DENND1C: variants seen among roughly 807,000 people sequenced by gnomAD.
DENND1C encodes DENN domain-containing protein 1C.
DENND1C carries 64 observed loss-of-function variants against 87.9 expected under a neutral mutation model. The observed-to-expected ratio is 0.73, with a 90% confidence interval of 0.60 to 0.90. DENND1C has a LOEUF of 0.90. DENND1C is among the 40% of genes least tolerant of loss of function. The pLI, the probability that DENND1C is intolerant of heterozygous loss-of-function variation, is 0.00. For synonymous variants in DENND1C, 384 were observed against 424.4 expected, an observed-to-expected ratio of 0.90 and a Z score of 1.17; for missense variants, 980 against 1,037.0, an observed-to-expected ratio of 0.95 and a Z score of 0.76.
chr19:6,478,549 C>G (rs1471038649), intron 6 of DENND1C, among the ~76,000 whole-genome samples: 2 of 152,050 alleles, frequency 1.3e-5, no homozygotes, highest in Non-Finnish European at 2.9e-5. Context: ...AGCCACAGCA[C>G]TTGGCCAATT....
chr19:6,477,358 A>G lies in DENND1C; in HGVS notation c.447+20T>C, dbSNP rs1331744098. On this transcript the variant is annotated intron_variant, in intron 7 of 22. Coordinates refer to ENST00000381480, the MANE Select transcript of DENND1C (RefSeq NM_024898.4). Reference sequence around the variant, plus strand: ...CCCATCCACCTAAGGTCCAGCGCCCAGGGAATGGGAGCTACTCACCAGCTC... The same window carrying G: ...CCCATCCACCTAAGGTCCAGCGCCCGGGGAATGGGAGCTACTCACCAGCTC... The G allele has an allele frequency of 6.2e-6, 10 of 1,612,938 alleles. No homozygotes were observed. Among genetic ancestry groups the G allele is most frequent in the Non-Finnish European group, 8.5e-6 (10 of 1,179,488 alleles).
intron 21 of DENND1C, 34 bp downstream of exon 21, chr19:6,468,544 C>A: frequency 1.3e-6 from 2 of 1,553,790 alleles, no homozygotes; most frequent in South Asian, 1.2e-5. Flanking sequence ...CCTGGCCTCC[C>A]ACTTTCAACA....
rs748567950 is a variant in DENND1C, at chr19:6,479,836, G to A, written c.126+23C>T. 5.0e-6 allele frequency: 8 copies of A among 1,612,848 alleles called. No homozygotes were observed. In the South Asian group the frequency reaches 6.6e-5, roughly 13 times the overall value. ...TGGGAGACTGGCCCTCGCCCTGGGG[G>A]AGCAAGGAGCCAGCCTGAATACCTG... On this transcript the variant is annotated intron_variant, in intron 3 of 22. Coordinates refer to ENST00000381480, the MANE Select transcript of DENND1C (RefSeq NM_024898.4).
At chr19:6,474,210 A>G (rs923343563) in intron 14 of DENND1C, among the ~76,000 whole-genome samples, 8 of 151,082 alleles carry the variant, frequency 5.3e-5, no homozygotes, top group South Asian at 4.2e-4. Context: ...AAAAAAAAAA[A>G]AAAAAGAAGA....
At chr19:6,480,609 T>C (rs556001101) in intron 1 of DENND1C, 1 of 427,594 alleles carries the variant, frequency 2.3e-6, no homozygotes, top group Admixed American at 6.6e-5. Flanking sequence ...TATCTATCTA[T>C]CTATCTATTT....
intron 8 of DENND1C, 45 bp from the exon 9 acceptor site, chr19:6,477,172 C>T: frequency 1.3e-6 from 2 of 1,595,110 alleles, no homozygotes; most frequent in Non-Finnish European, 1.7e-6. Context: ...AGGAGGCTGG[C>T]CTCACCTGGA....
At position 6,475,343 on chromosome 19, in the gene DENND1C, C is replaced by T. The variant is rs2092852454; in HGVS notation, c.984G>A (p.Val328=). The change falls in exon 14 of 23, where the codon GTG becomes GTA. Residue 328 remains valine, a synonymous_variant. Transcript: ENST00000381480. The part of the protein sequence containing the change: ...RKVALAPGEG[V]SRLFLKAQAL... Reference sequence around the variant, plus strand: ...CCTGGGCTTTGAGGAAGAGACGGGACACCCCTTCCCCGGGGGCCAGGGCGA... The same window carrying T: ...CCTGGGCTTTGAGGAAGAGACGGGATACCCCTTCCCCGGGGGCCAGGGCGA... 3 of 1,612,920 alleles carry T rather than the reference C, an allele frequency of 1.9e-6. No homozygotes were observed. Among genetic ancestry groups the T allele is most frequent in the Non-Finnish European group, 2.5e-6 (3 of 1,179,528 alleles).
At chr19:6,469,135 G>A (rs1015331991) in intron 19 of DENND1C, among the ~76,000 whole-genome samples, 182 bp from the exon 20 acceptor site, 2 of 152,004 alleles carry the variant, frequency 1.3e-5, no homozygotes, top group African/African-American at 4.8e-5. Context: ...AGGTTCAAGC[G>A]ATTCTCATGC....
In DENND1C at chr19:6,477,564, G is replaced by A. The variant is rs2092869953; in HGVS notation, c.367-106C>T. 9 of 752,140 alleles carry A rather than the reference G, an allele frequency of 1.2e-5. No individual in the cohort carries two copies. The South Asian group carries it at 1.7e-4, about 14-fold the overall frequency. 46.6% of individuals were successfully genotyped at this position (752,140 alleles called of 1,614,324 possible). On this transcript the variant is annotated intron_variant, in intron 6 of 22. Coordinates refer to ENST00000381480, the MANE Select transcript of DENND1C (RefSeq NM_024898.4). ...TGGTCTGGGAGGAGCCAAGGGCTCAGGTCAGTCCTGGGAGTTTTTTTTTTT... is the reference window on the plus strand; with the variant it reads ...TGGTCTGGGAGGAGCCAAGGGCTCAAGTCAGTCCTGGGAGTTTTTTTTTTT...
At chr19:6,470,835 T>C (rs2092824936) in intron 17 of DENND1C, among the ~76,000 whole-genome samples, 1 of 151,882 alleles carries the variant, frequency 6.6e-6, no homozygotes, top group Non-Finnish European at 1.5e-5. Context: ...TTGGCCAGGA[T>C]GGTCTCGATC....
chr19:6,472,642 G>A (rs886357289), intron 15 of DENND1C, among the ~76,000 whole-genome samples: 6 of 152,270 alleles, frequency 3.9e-5, no homozygotes, highest in Admixed American at 2.0e-4. Context: ...GCCTGCCTCG[G>A]CCTCCCAAAG....
rs1408503278 is a variant in DENND1C at position 6,467,809 on chromosome 19, G to T, written c.2101C>A (p.Pro701Thr). 2.6e-6 allele frequency: 4 copies of T among 1,543,890 alleles called. No individual in the cohort carries two copies. The highest frequency in any genetic ancestry group is 4.5e-5 in the East Asian group (2 of 44,410). The change falls in exon 23 of 23, where the codon CCC becomes ACC. Residue 701 changes from proline to threonine, a missense_variant. Pro to Thr is a conservative substitution (Grantham distance 38). Transcript: ENST00000381480. ...EDSTAQENPT[P>T]WLSTAPTEPS... ...TCAGTGGGTGCAGTGGAGAGCCAGG[G>T]AGTGGGGTTTTCCTGGGCTGTAGAA...
At chr19:6,476,665 G>A (rs1288582226) in intron 10 of DENND1C, 192 bp downstream of exon 10, 14 of 596,306 alleles carry the variant, frequency 2.3e-5, no homozygotes, top group East Asian at 1.5e-4. Flanking sequence ...AAAAGGAGGA[G>A]CTGCAGCGCA....
chr19:6,468,300 G>T lies in DENND1C; in HGVS notation c.1725C>A (p.Gly575=). Reference sequence around the variant, plus strand: ...CTAAACTCTGGCTCGGTCTCAGGCTGCCTGCGCTCTTGGCTCCCATGCTAA... The same window carrying T: ...CTAAACTCTGGCTCGGTCTCAGGCTTCCTGCGCTCTTGGCTCCCATGCTAA... The part of the protein sequence containing the change: ...DSLSMGAKSA[G]SLRPSQSLDC... Residue 575 remains glycine (G), a synonymous_variant, in exon 22 of 23, where the codon GGC becomes GGA. Coordinates refer to ENST00000381480, the MANE Select transcript of DENND1C (RefSeq NM_024898.4). The T allele has an allele frequency of 6.2e-7, 1 of 1,613,742 alleles. No individual in the cohort carries two copies. The highest frequency in any genetic ancestry group is 8.5e-7 in the Non-Finnish European group (1 of 1,179,772).
At chr19:6,474,085 T>C (rs913203238) in intron 14 of DENND1C, among the ~76,000 whole-genome samples, 6 of 151,670 alleles carry the variant, frequency 4.0e-5, no homozygotes, top group Admixed American at 3.3e-4. Flanking sequence ...ATCCCAGCTA[T>C]TCAGGAGGCT....
chr19:6,480,197 T>G, intron 1 of DENND1C, 146 bp from the exon 2 acceptor site: 10 of 1,481,384 alleles, frequency 6.8e-6, no homozygotes, highest in Non-Finnish European at 9.0e-6. Context: ...GCTGTGAGTG[T>G]GTGGTTGTGT....
intron 6 of DENND1C, among the ~76,000 whole-genome samples, chr19:6,478,037 C>A (rs137981783): frequency 0.018 from 2,777 of 151,938 alleles, 40 homozygotes; most frequent in Middle Eastern, 0.044. Context: ...ATCGCACCAC[C>A]GCACTCCAGC....
At chr19:6,469,503 C>A in intron 19 of DENND1C, 93 bp downstream of exon 19, 1 of 1,326,172 alleles carries the variant, frequency 7.5e-7, no homozygotes, top group South Asian at 1.3e-5. Context: ...AAGCTGGTCT[C>A]AAACTCCTGG....
chr19:6,475,357 G>A lies in DENND1C; in HGVS notation c.970C>T (p.Pro324Ser), dbSNP rs1275433714. 1.2e-6 allele frequency: 2 copies of A among 1,612,456 alleles called. No individual in the cohort carries two copies. Among genetic ancestry groups the A allele is most frequent in the Non-Finnish European group, 1.7e-6 (2 of 1,179,188 alleles). The change falls in exon 14 of 23, where the codon CCC becomes TCC. Residue 324 changes from proline (P) to serine (S), a missense_variant. By Grantham distance (74) the Pro-to-Ser change is moderately conservative. Coordinates refer to ENST00000381480, the MANE Select transcript of DENND1C (RefSeq NM_024898.4). ...AAGAGACGGGACACCCCTTCCCCGG[G>A]GGCCAGGGCGACCTTCCTGAGCCGG... ...RLRLRKVALA[P>S]GEGVSRLFLK...
Sources: gnomAD v4.1 joint callset for allele counts (sites outside exome capture counted in the v4.1 genomes callset) on GRCh38, gnomAD v4.1.1 for gene constraint, MANE v1.5 for transcripts, NCBI Gene and HGNC (gene_info 2026-07-23, HGNC 2026-07-21) for gene names.